Variants in HSPG2 observed in about 807,000 individuals in gnomAD.
The protein encoded by HSPG2 is basement membrane-specific heparan sulfate proteoglycan core protein.
A neutral mutation model predicts 526.6 loss-of-function variants in HSPG2; 278 were observed. The ratio of observed to expected loss-of-function variants is 0.53; its 90% confidence interval spans 0.48 to 0.58. The LOEUF is 0.58. HSPG2 is among the 20% of genes least tolerant of loss of function. HSPG2 has a pLI of 0.00. For missense variants in HSPG2, 5,354 were observed against 6,099.5 expected, an observed-to-expected ratio of 0.88 and a Z score of 4.07; for synonymous variants, 2,465 against 2,555.4, an observed-to-expected ratio of 0.96 and a Z score of 1.07.
chr1:21,930,238 C>T (rs944419773), intron 1 of HSPG2, among the ~76,000 whole-genome samples: 3 of 152,208 alleles, frequency 2.0e-5, no homozygotes, highest in African/African-American at 4.8e-5. Context: ...CTGCGAGGCT[C>T]ACCCGCTCAC....
At chr1:21,894,509 C>T (rs370321690) in intron 3 of HSPG2, among the ~76,000 whole-genome samples, 27 of 152,154 alleles carry the variant, frequency 1.8e-4, no homozygotes, top group East Asian at 1.2e-3. Context: ...TCTGAGGCCC[C>T]ACCTGTTCCC....
intron 64 of HSPG2, among the ~76,000 whole-genome samples, chr1:21,845,032 G>T (rs537803722): frequency 6.6e-6 from 1 of 152,316 alleles, no homozygotes; most frequent in African/African-American, 2.4e-5. Context: ...CGGATCATGA[G>T]GTCAGGAGTT....
chr1:21,879,015 G>T lies in HSPG2; in HGVS notation c.2450C>A (p.Pro817Gln). Reference sequence around the variant, plus strand: ...TGACCTGCGGGAGGCATCGATGTATGGGCAAGGGCAGGGCCGGCAGGAAGT... The same window carrying T: ...TGACCTGCGGGAGGCATCGATGTATTGGCAAGGGCAGGGCCGGCAGGAAGT... ...TATSCRPCPC[P>Q]YIDASRRFSD... The change falls in exon 18 of 97, where the codon CCA (proline) becomes CAA (glutamine). Residue 817 changes from proline (P) to glutamine (Q), a missense_variant. Pro to Gln is a moderately conservative substitution (Grantham distance 76). Coordinates refer to ENST00000374695, the MANE Select transcript of HSPG2 (RefSeq NM_005529.7). 6.2e-7 allele frequency: 1 copy of T among 1,614,134 alleles called. No individual in the cohort carries two copies. Among genetic ancestry groups the T allele is most frequent in the Non-Finnish European group, 8.5e-7 (1 of 1,180,036 alleles).
intron 33 of HSPG2, among the ~76,000 whole-genome samples, chr1:21,866,065 T>C (rs940211953): frequency 2.0e-5 from 3 of 152,252 alleles, no homozygotes; most frequent in East Asian, 1.9e-4. Flanking sequence ...CTATTCCCCA[T>C]TGCCTGACGG....
chr1:21,926,163 A>C (rs1644185387), intron 1 of HSPG2, among the ~76,000 whole-genome samples: 1 of 152,064 alleles, frequency 6.6e-6, no homozygotes, highest in African/African-American at 2.4e-5. Context: ...TGCCCTGCAA[A>C]ATGGAGATAT....
rs41306589 is a variant in HSPG2 at position 21,875,803 on chromosome 1, C to T, written c.3184-56G>A. 4,309 of 1,607,880 alleles carry T rather than the reference C, an allele frequency of 2.7e-3. 6 individuals are homozygous for T. Among genetic ancestry groups the T allele is most frequent in the Non-Finnish European group, 3.3e-3 (3,901 of 1,177,752 alleles). ...CCTGACGTCCTGGAGTATTGAATGC[C>T]GGAGAGGCAGGAGCAAGGGCCTGCC... On this transcript the variant is annotated intron_variant, in intron 24 of 96. Transcript: ENST00000374695.
At chr1:21,886,468 C>T (rs1051632173) in intron 9 of HSPG2, among the ~76,000 whole-genome samples, 1 of 152,152 alleles carries the variant, frequency 6.6e-6, no homozygotes, top group Non-Finnish European at 1.5e-5. Flanking sequence ...CCCAGACACA[C>T]CACCCAGGAC....
Position 21,842,212 on chromosome 1 carries a change from C to T in HSPG2, c.9052+27G>A, listed in dbSNP as rs770577277. ...TAGCTTCAGGGCCCTCCCTTCCCCC[C>T]TTGCCCATGGCATCTGCCATACTCA... On this transcript the variant is annotated intron_variant, in intron 68 of 96. Coordinates refer to ENST00000374695, the MANE Select transcript of HSPG2 (RefSeq NM_005529.7). 6 of 1,613,112 alleles carry T rather than the reference C, an allele frequency of 3.7e-6. No homozygotes were observed. The South Asian group carries it at 5.5e-5, about 15-fold the overall frequency.
At chr1:21,871,210 T>C (rs1351258608) in intron 33 of HSPG2, among the ~76,000 whole-genome samples, 3 of 149,598 alleles carry the variant, frequency 2.0e-5, no homozygotes, top group Non-Finnish European at 4.4e-5. Context: ...CACCAGACCC[T>C]GTTCTGGAGT....
intron 33 of HSPG2, chr1:21,870,128 C>T (rs935667983): frequency 1.1e-5 from 6 of 525,420 alleles, no homozygotes; most frequent in Non-Finnish European, 1.5e-5. Flanking sequence ...CTGGAGTCTT[C>T]GCTCAGGTGC....
chr1:21,878,945 G>A, intron 18 of HSPG2, 49 bp downstream of exon 18: 1 of 1,596,228 alleles, frequency 6.3e-7, no homozygotes, highest in Non-Finnish European at 8.5e-7. Context: ...TCTCTGGCCT[G>A]TTGCACTGTC....
At chr1:21,889,882 A>T in intron 6 of HSPG2, 99 bp downstream of exon 6, 2 of 1,189,596 alleles carry the variant, frequency 1.7e-6, no homozygotes, top group Non-Finnish European at 2.5e-6. Context: ...CCCTGTTTCT[A>T]GTGGTGTGCA....
chr1:21,915,772 G>A (rs1414708294), intron 1 of HSPG2, among the ~76,000 whole-genome samples: 1 of 152,138 alleles, frequency 6.6e-6, no homozygotes, highest in African/African-American at 2.4e-5. Flanking sequence ...ATTTTTTGCC[G>A]GGCATGGTGG....
rs1361803717 is a variant in HSPG2, at chr1:21,904,178, G to A, written c.64-7868C>T. On this transcript the variant is annotated intron_variant, in intron 1 of 96. Transcript: ENST00000374695. This position sits in a 1 kb window ranked among gnomAD's most constrained non-coding sequence, Gnocchi z 4.4. ...AGAGTGCTGAAGGGGAAGGAAGGGG[G>A]CCGGCAGAGCCCAGGGGAGGGTCCC... Among the ~76,000 whole-genome samples, 1 of 152,210 alleles carries A rather than the reference G, an allele frequency of 6.6e-6. No homozygotes were observed. The highest frequency in any genetic ancestry group is 1.5e-5 in the Non-Finnish European group (1 of 68,044).
In HSPG2 at chr1:21,876,032, T is replaced by C. The variant is rs767474930; in HGVS notation, c.3014A>G (p.Tyr1005Cys). 1.5e-5 allele frequency: 24 copies of C among 1,613,902 alleles called. No homozygotes were observed. The South Asian group carries it at 2.5e-4, about 17-fold the overall frequency. Reference sequence around the variant, plus strand: ...CACTGTGAAGCGCAGCTCTCCTCCATAGGAGGTCACCTGGGACCAGGGTTA... The same window carrying C: ...CACTGTGAAGCGCAGCTCTCCTCCACAGGAGGTCACCTGGGACCAGGGTTA... ...SRFLGDKVTS[Y>C]GGELRFTVTQ... The change falls in exon 24 of 97, where the codon TAT becomes TGT. Residue 1005 changes from tyrosine (Y) to cysteine (C), a missense_variant. Tyr to Cys is a radical substitution (Grantham distance 194). Coordinates refer to ENST00000374695, the MANE Select transcript of HSPG2 (RefSeq NM_005529.7).
chr1:21,838,699 G>T (rs779012962), intron 74 of HSPG2, 126 bp downstream of exon 74: 173 of 990,818 alleles, frequency 1.7e-4, no homozygotes, highest in Non-Finnish European at 2.4e-4. Flanking sequence ...CTGGAGAGTA[G>T]GGGAGATGAG....
At chr1:21,911,255 G>A (rs544723213) in intron 1 of HSPG2, among the ~76,000 whole-genome samples, 32 of 152,338 alleles carry the variant, frequency 2.1e-4, no homozygotes, top group African/African-American at 7.0e-4. Context: ...AGGATGGTGG[G>A]AAGATGTACT....
rs1572118415 is a variant in HSPG2 at position 21,822,383 on chromosome 1, C to A, written c.*933G>T. 2.9e-6 allele frequency: 2 copies of A among 679,404 alleles called. No homozygotes were observed. The highest frequency in any genetic ancestry group is 4.7e-5 in the Admixed American group (2 of 42,354). 42.1% of individuals were successfully genotyped at this position (679,404 alleles called of 1,614,324 possible). ...ATGGCACTTGAGCTGGATCTTCAGG[C>A]TCCTGCAGATGGGGCAGGGTGGTCA... On this transcript the variant is annotated 3_prime_UTR_variant, in exon 97 of 97. Transcript: ENST00000374695.
At chr1:21,835,249 G>A (rs2098021697) in intron 76 of HSPG2, 2 of 596,864 alleles carry the variant, frequency 3.4e-6, no homozygotes, top group Non-Finnish European at 6.0e-6. Context: ...TTAGCCTCCT[G>A]AGTAGGTGGG....
Sources: allele counts gnomAD v4.1 joint callset (sites outside exome capture counted in the v4.1 genomes callset), GRCh38; gene constraint gnomAD v4.1.1; non-coding constraint Gnocchi (gnomAD v3.1); transcripts MANE v1.5; gene names NCBI Gene and HGNC (gene_info 2026-07-23, HGNC 2026-07-21).